Variants in SPHKAP observed in about 807,000 individuals in gnomAD.
SPHKAP encodes the protein A-kinase anchor protein SPHKAP.
In SPHKAP, 67 loss-of-function variants were observed where a neutral mutation model predicts 137.5. The observed-to-expected ratio is 0.49, with a 90% CI of 0.40 to 0.60. SPHKAP has a LOEUF of 0.60. SPHKAP is among the 20% of genes least tolerant of loss of function. The pLI is 0.00. For synonymous variants in SPHKAP, 813 were observed against 785.3 expected (o/e 1.04, Z -0.59); for missense variants, 2,097 against 2,069.3 (o/e 1.01, Z -0.26).
At chr2:228,011,764 A>T (rs998441833) in intron 7 of SPHKAP, among the ~76,000 whole-genome samples, 1 of 152,182 alleles carries the variant, frequency 6.6e-6, no homozygotes, top group Admixed American at 6.5e-5. Context: ...GTTTTCATAT[A>T]GTTTTACTTT....
intron 3 of SPHKAP, among the ~76,000 whole-genome samples, chr2:228,080,991 T>A (rs1208794353): frequency 6.6e-6 from 1 of 152,114 alleles, no homozygotes; most frequent in Non-Finnish European, 1.5e-5. Flanking sequence ...ATCTTACTAC[T>A]GGGTGTGTAT....
chr2:228,063,174 A>ATCTATCTGTCTGTCTGTCTGTCTG (rs756046439), intron 3 of SPHKAP, among the ~76,000 whole-genome samples: 2 of 147,176 alleles, frequency 1.4e-5, no homozygotes, highest in African/African-American at 5.1e-5. Context: ...CTATCTATCT[A>ATCTATCTGTCTGTCTGTCTGTCTG]TCTGTCTGTC....
At chr2:227,995,747 C>G (rs2106168742) in intron 7 of SPHKAP, 53 bp from the exon 8 acceptor site, 2 of 1,451,574 alleles carry the variant, frequency 1.4e-6, no homozygotes, top group Non-Finnish European at 1.8e-6. Context: ...CACACACACA[C>G]AGAAACTTCA....
intron 3 of SPHKAP, among the ~76,000 whole-genome samples, chr2:228,039,727 CAGAT>C (rs761019189): frequency 1.3e-5 from 2 of 152,042 alleles, no homozygotes; most frequent in Admixed American, 6.6e-5. Context: ...TTTATTTTGA[CAGAT>C]AAAGTCAGAC....
chr2:228,034,005 C>A (rs1246721716), intron 3 of SPHKAP, among the ~76,000 whole-genome samples: 1 of 152,150 alleles, frequency 6.6e-6, no homozygotes, highest in Non-Finnish European at 1.5e-5. Context: ...CAAAAACTAG[C>A]AGAAGGCAAG....
At position 228,013,535 on chromosome 2, in the gene SPHKAP, A is replaced by G. The variant is rs75673725; in HGVS notation, c.4448+2871T>C. ...GCTTGGATTATAGGCGTGAGCCACC[A>G]TGCCCAGCTTTTAAGATACTTCTTT... On this transcript the variant is annotated intron_variant, in intron 7 of 11. Coordinates refer to ENST00000392056, the MANE Select transcript of SPHKAP (RefSeq NM_001142644.2). Among the ~76,000 whole-genome samples, 612 of 152,256 alleles carry G rather than the reference A, an allele frequency of 4.0e-3. 5 individuals are homozygous for G. The highest frequency in any genetic ancestry group is 0.014 in the African/African-American group (572 of 41,568).
chr2:228,164,683 C>A (rs972021879), intron 1 of SPHKAP, among the ~76,000 whole-genome samples: 15 of 152,164 alleles, frequency 9.9e-5, no homozygotes, highest in Admixed American at 4.6e-4. Flanking sequence ...TGGCCCCTAC[C>A]TTTCAGGTCT....
In SPHKAP at chr2:228,019,889, T is replaced by C; in HGVS notation, c.965A>G (p.Tyr322Cys). ...AVGNGRQATH[Y>C]YHSEAFKGQM... Reference sequence around the variant, plus strand: ...ACCTTTAAAAGCTTCTGAATGATAATAATGTGTGGCTTGTCTCCCATTCCC... The same window carrying C: ...ACCTTTAAAAGCTTCTGAATGATAACAATGTGTGGCTTGTCTCCCATTCCC... Residue 322 changes from tyrosine (Y) to cysteine (C), a missense_variant, in exon 7 of 12, where the codon TAT (tyrosine) becomes TGT (cysteine). Physicochemically the swap from Tyr to Cys is radical, Grantham distance 194. Transcript: ENST00000392056. 1 of 1,614,242 alleles carries C rather than the reference T, an allele frequency of 6.2e-7. No homozygotes were observed. The highest frequency in any genetic ancestry group is 1.3e-5 in the African/African-American group (1 of 75,070).
At chr2:228,024,769 TA>T (rs1186276894) in intron 5 of SPHKAP, among the ~76,000 whole-genome samples, 2 of 152,196 alleles carry the variant, frequency 1.3e-5, no homozygotes, top group African/African-American at 4.8e-5. Context: ...ATTAATTAAT[TA>T]AACAATTTTA....
At chr2:228,085,709 C>G (rs1340534888) in intron 3 of SPHKAP, among the ~76,000 whole-genome samples, 1 of 152,144 alleles carries the variant, frequency 6.6e-6, no homozygotes, top group Admixed American at 6.5e-5. Flanking sequence ...TTAATGGCTT[C>G]TCTGCACATT....
At chr2:228,065,133 T>C (rs1382537230) in intron 3 of SPHKAP, among the ~76,000 whole-genome samples, 1 of 152,214 alleles carries the variant, frequency 6.6e-6, no homozygotes, top group Admixed American at 6.5e-5. Context: ...GAACCAGCTA[T>C]GTCACTGCTG....
chr2:227,989,693 C>T (rs775551676), intron 11 of SPHKAP, among the ~76,000 whole-genome samples: 1 of 152,046 alleles, frequency 6.6e-6, no homozygotes, highest in Admixed American at 6.6e-5. Flanking sequence ...GCAACCTCCA[C>T]TTCCTGGGTT....
In SPHKAP at chr2:228,017,294, G is replaced by C. The variant is rs756156467; in HGVS notation, c.3560C>G (p.Thr1187Arg). 1.2e-6 allele frequency: 2 copies of C among 1,614,074 alleles called. No homozygotes were observed. Among genetic ancestry groups the C allele is most frequent in the Non-Finnish European group, 1.7e-6 (2 of 1,180,018 alleles). ...GTAGAACTCCTCAGTGATGCTCTCT[G>C]TGCTGGACTGCTTAGAGGGACAGCT... Reference protein sequence around the residue: ...RPSCPSKQSSTESITEEFYRY... With the variant: ...RPSCPSKQSSRESITEEFYRY... Residue 1187 changes from threonine to arginine, a missense_variant, in exon 7 of 12, where the codon ACA becomes AGA. By Grantham distance (71) the Thr-to-Arg change is moderately conservative. Transcript: ENST00000392056.
chr2:227,997,612 A>G (rs1693684402), intron 7 of SPHKAP, among the ~76,000 whole-genome samples: 1 of 152,080 alleles, frequency 6.6e-6, no homozygotes, highest in African/African-American at 2.4e-5. Context: ...CGCTGTTTTG[A>G]TCTTTGCTTC....
At chr2:228,132,787 T>C (rs546189114) in intron 1 of SPHKAP, among the ~76,000 whole-genome samples, 4 of 147,546 alleles carry the variant, frequency 2.7e-5, no homozygotes, top group Non-Finnish European at 5.9e-5. Flanking sequence ...CATTTGAGAT[T>C]AGGAGTTTGA....
intron 3 of SPHKAP, among the ~76,000 whole-genome samples, chr2:228,099,121 AATG>A (rs1463530676): frequency 6.6e-6 from 1 of 152,194 alleles, no homozygotes; most frequent in East Asian, 1.9e-4. Flanking sequence ...TGATATCCAG[AATG>A]ATATTTCCTA....
At chr2:228,164,519 G>T (rs1305138961) in intron 1 of SPHKAP, among the ~76,000 whole-genome samples, 3 of 152,226 alleles carry the variant, frequency 2.0e-5, no homozygotes, top group African/African-American at 7.2e-5. Context: ...AATAGTAACA[G>T]TTTCTGTTTA....
chr2:228,122,198 A>G (rs905590356), intron 2 of SPHKAP, among the ~76,000 whole-genome samples: 1 of 152,234 alleles, frequency 6.6e-6, no homozygotes, highest in Non-Finnish European at 1.5e-5. Flanking sequence ...TCAGAAAAAC[A>G]GATCACTTGC....
chr2:228,030,663 C>G (rs1434797302), intron 3 of SPHKAP, among the ~76,000 whole-genome samples: 2 of 149,944 alleles, frequency 1.3e-5, no homozygotes, highest in African/African-American at 2.4e-5. Flanking sequence ...CTGGCAAATA[C>G]TAAAAACATA....
Sources: allele counts gnomAD v4.1 joint callset (sites outside exome capture counted in the v4.1 genomes callset), GRCh38; gene constraint gnomAD v4.1.1; transcripts MANE v1.5; gene names NCBI Gene and HGNC (gene_info 2026-07-23, HGNC 2026-07-21).